Variants in PDE11A observed in about 807,000 individuals in gnomAD.
PDE11A encodes phosphodiesterase 11A.
A neutral mutation model predicts 100.5 loss-of-function variants in PDE11A; 100 were observed. The observed-to-expected ratio is 1.00, with a 90% CI of 0.85 to 1.18. PDE11A has a LOEUF of 1.18. PDE11A is among the 50% of genes most tolerant of loss of function. PDE11A has a pLI of 0.00. For synonymous variants in PDE11A, 381 were observed against 420.8 expected (o/e 0.91, Z 1.16); for missense variants, 1,141 against 1,152.6 (o/e 0.99, Z 0.15).
intron 4 of PDE11A, among the ~76,000 whole-genome samples, chr2:177,886,968 T>C (rs188247417): frequency 6.6e-6 from 1 of 152,240 alleles, no homozygotes. Context: ...AGGCTGGCAG[T>C]GATGGTCGGA....
chr2:177,905,361 T>C (rs569341399), intron 2 of PDE11A, among the ~76,000 whole-genome samples, 174 bp from the exon 3 acceptor site: 1 of 152,364 alleles, frequency 6.6e-6, no homozygotes, highest in East Asian at 1.9e-4. Flanking sequence ...TGAATATTTT[T>C]CAAAGTTAAC....
intron 1 of PDE11A, among the ~76,000 whole-genome samples, chr2:178,066,130 A>T (rs1347033851): frequency 2.0e-5 from 3 of 152,160 alleles, no homozygotes; most frequent in Admixed American, 6.5e-5. Flanking sequence ...GATGGAGAAG[A>T]AGTAGTCCTG....
intron 2 of PDE11A, among the ~76,000 whole-genome samples, chr2:178,087,391 T>C (rs889911304): frequency 1.3e-5 from 2 of 149,584 alleles, no homozygotes; most frequent in African/African-American, 4.9e-5. Flanking sequence ...ATATACACAA[T>C]TGAATATTTT....
intron 1 of PDE11A, among the ~76,000 whole-genome samples, chr2:178,044,329 C>T (rs1275285697): frequency 2.5e-5 from 2 of 79,192 alleles, no homozygotes; most frequent in African/African-American, 9.2e-5. Flanking sequence ...CCATATTTTC[C>T]AAAAACAGAA....
intron 10 of PDE11A, among the ~76,000 whole-genome samples, chr2:177,734,427 G>A (rs939979877): frequency 6.6e-6 from 1 of 152,066 alleles, no homozygotes; most frequent in African/African-American, 2.4e-5. Flanking sequence ...AGGAGTTTGA[G>A]GCTGCAATAC....
chr2:177,822,728 T>G (rs72951090), intron 6 of PDE11A, among the ~76,000 whole-genome samples: 41,097 of 151,844 alleles, frequency 0.27, 5,941 homozygotes, highest in African/African-American at 0.37. Context: ...TAAATATCCC[T>G]TAATTTATTT....
Position 177,820,311 on chromosome 2 carries a change from G to A in PDE11A, c.1501-16C>T, listed in dbSNP as rs1051120091. On this transcript the variant is annotated splice_polypyrimidine_tract_variant and intron_variant, in intron 6 of 19. Transcript: ENST00000286063. ...TCTGGTCTGCCTAGGAAACAAGAAA[G>A]AAGTTAATTAAAATTGAATATTAAC... 1 of 1,433,684 alleles carries A rather than the reference G, an allele frequency of 7.0e-7. No homozygotes were observed. Among genetic ancestry groups the A allele is most frequent in the African/African-American group, 1.4e-5 (1 of 71,326 alleles). The allele number at this position is 1,433,684 out of a possible 1,614,324, so 88.8% of individuals were successfully genotyped here. A position where few individuals can be genotyped will look rare whatever the true frequency, so the allele number is the denominator to read the frequency against.
chr2:178,071,521 C>A lies in PDE11A; in HGVS notation c.912+5G>T. The stretch of plus-strand genomic sequence containing the variant: ...CTGGGAGAAGGGGACAATGCAAAGT[C>A]CTACCTGGTAGGCATCAGGAATGTT... On this transcript the variant is annotated splice_donor_5th_base_variant and intron_variant, in intron 1 of 19. Coordinates refer to ENST00000286063, the MANE Select transcript of PDE11A (RefSeq NM_016953.4). 1 of 1,613,284 alleles carries A rather than the reference C, an allele frequency of 6.2e-7. No homozygotes were observed. The highest frequency in any genetic ancestry group is 1.1e-5 in the South Asian group (1 of 91,020).
chr2:177,946,328 G>T (rs1323836073), intron 2 of PDE11A, among the ~76,000 whole-genome samples: 13 of 113,814 alleles, frequency 1.1e-4, no homozygotes, highest in East Asian at 5.4e-4. Context: ...GGAGGGAGGT[G>T]GGGGGGGTCA....
chr2:177,905,928 T>C (rs1298208358), intron 2 of PDE11A, among the ~76,000 whole-genome samples: 2 of 152,132 alleles, frequency 1.3e-5, no homozygotes, highest in Non-Finnish European at 2.9e-5. Context: ...AACAAAGACT[T>C]TCTCATCATG....
intron 1 of PDE11A, among the ~76,000 whole-genome samples, chr2:178,026,305 G>C (rs1273700156): frequency 6.6e-6 from 1 of 152,116 alleles, no homozygotes; most frequent in Non-Finnish European, 1.5e-5. Context: ...TACATAATTT[G>C]TTTAGGTTTT....
intron 13 of PDE11A, among the ~76,000 whole-genome samples, chr2:177,708,587 C>T (rs1381103246): frequency 3.9e-5 from 6 of 152,062 alleles, no homozygotes; most frequent in African/African-American, 1.4e-4. Flanking sequence ...ACATGGTTAC[C>T]TATGTAACAA....
intron 1 of PDE11A, among the ~76,000 whole-genome samples, chr2:178,040,037 C>T (rs1051518866): frequency 5.4e-5 from 8 of 148,476 alleles, no homozygotes; most frequent in African/African-American, 1.5e-4. Flanking sequence ...TGTGAAAGGG[C>T]ACCAGAAGAT....
In PDE11A at chr2:177,945,853, G is replaced by T. The variant is rs866356530; in HGVS notation, c.1072-40666C>A. ...GGGGGGTCAGCCCCCCGCCTGGCCA[G>T]CCGTGCCGTCCGGGAGGGAGGTGGG... On this transcript the variant is annotated intron_variant, in intron 2 of 19. Transcript: ENST00000286063. Among the ~76,000 whole-genome samples, 896 of 114,206 alleles carry T rather than the reference G, an allele frequency of 7.8e-3. 2 individuals are homozygous for T. Among genetic ancestry groups the T allele is most frequent in the African/African-American group, 0.023 (824 of 36,108 alleles). 74.9% of individuals were successfully genotyped at this position (114,206 alleles called of 152,430 possible).
chr2:177,926,848 T>C (rs957570977), intron 2 of PDE11A: 1 of 152,172 alleles, frequency 6.6e-6, no homozygotes, highest in African/African-American at 2.4e-5. Flanking sequence ...GCCTGGATCA[T>C]TCTGGTAATT....
At chr2:178,093,182 C>A (rs1367579004) in intron 2 of PDE11A, among the ~76,000 whole-genome samples, 1 of 152,180 alleles carries the variant, frequency 6.6e-6, no homozygotes, top group African/African-American at 2.4e-5. Flanking sequence ...CAGTCGCATA[C>A]TGTTTAGGGT....
At chr2:177,674,225 C>T (rs1243342160) in intron 17 of PDE11A, among the ~76,000 whole-genome samples, 1 of 152,162 alleles carries the variant, frequency 6.6e-6, no homozygotes, top group Non-Finnish European at 1.5e-5. Context: ...TCATTTTTCC[C>T]ATTTGTGAAA....
chr2:178,069,992 G>A (rs1368823685), intron 1 of PDE11A, among the ~76,000 whole-genome samples: 2 of 151,856 alleles, frequency 1.3e-5, no homozygotes, highest in African/African-American at 4.8e-5. Flanking sequence ...CATACAAAAA[G>A]GATGTGGGAA....
At chr2:178,066,070 G>C (rs1054903335) in intron 1 of PDE11A, among the ~76,000 whole-genome samples, 3 of 152,004 alleles carry the variant, frequency 2.0e-5, no homozygotes, top group African/African-American at 7.3e-5. Flanking sequence ...AAGGCACTCA[G>C]CTCTCTCTTC....
Sources: gnomAD v4.1 joint callset for allele counts (sites outside exome capture counted in the v4.1 genomes callset) on GRCh38, gnomAD v4.1.1 for gene constraint, MANE v1.5 for transcripts, NCBI Gene and HGNC (gene_info 2026-07-23, HGNC 2026-07-21) for gene names.